Variants in PDZD2 observed in about 807,000 individuals in gnomAD.
PDZD2 encodes the protein PDZ domain-containing protein 2.
In PDZD2, 90 loss-of-function variants were observed where a neutral mutation model predicts 220.7. The ratio of observed to expected loss-of-function variants is 0.41; its 90% CI spans 0.34 to 0.49. PDZD2 has a LOEUF of 0.49. Among genes scored for constraint, PDZD2 ranks in the 20% least tolerant of loss-of-function variants. The pLI is 0.28. For missense variants in PDZD2, 3,174 were observed against 3,608.5 expected (o/e 0.88, Z 3.08); for synonymous variants, 1,375 against 1,450.5 (o/e 0.95, Z 1.18).
At chr5:31,657,230 G>A (rs886078042) in intron 1 of PDZD2, 1 of 152,290 alleles carries the variant, frequency 6.6e-6, no homozygotes, top group Non-Finnish European at 1.5e-5. Context: ...TTTCAGCAAG[G>A]TGTTTGGATG....
intron 1 of PDZD2, among the ~76,000 whole-genome samples, chr5:31,712,451 CCT>C (rs72212182): frequency 0.16 from 20,941 of 130,866 alleles, 1,693 homozygotes; most frequent in Middle Eastern, 0.25. Context: ...GCTGGGCCTG[CCT>C]CTCTCTCTCT....
chr5:31,660,860 C>A (rs29753), intron 1 of PDZD2, among the ~76,000 whole-genome samples: 36,040 of 152,070 alleles, frequency 0.24, 5,219 homozygotes, highest in East Asian at 0.45. Context: ...GTAGCTTAGA[C>A]TAACTACAGG....
intron 2 of PDZD2, among the ~76,000 whole-genome samples, chr5:31,975,528 G>C (rs1042050532): frequency 6.6e-6 from 1 of 152,194 alleles, no homozygotes; most frequent in Non-Finnish European, 1.5e-5. Context: ...AGATAAGGGA[G>C]AGGAGGGAGG....
chr5:31,888,594 G>A (rs906998776), intron 2 of PDZD2, among the ~76,000 whole-genome samples: 2 of 152,204 alleles, frequency 1.3e-5, no homozygotes, highest in Non-Finnish European at 2.9e-5. Context: ...TGTTAATGAG[G>A]TGGTTTATAC....
intron 2 of PDZD2, among the ~76,000 whole-genome samples, chr5:31,807,759 T>C (rs1231435178): frequency 6.6e-6 from 1 of 151,614 alleles, no homozygotes; most frequent in Non-Finnish European, 1.5e-5. Flanking sequence ...GTGTGAGAAG[T>C]CTGTGTGGTC....
At chr5:31,885,880 T>C (rs1740414430) in intron 2 of PDZD2, among the ~76,000 whole-genome samples, 1 of 151,800 alleles carries the variant, frequency 6.6e-6, no homozygotes, top group African/African-American at 2.4e-5. Context: ...TATAGTTTGT[T>C]TTTGGTTTTT....
chr5:31,738,052 T>C (rs1403886766), intron 1 of PDZD2, among the ~76,000 whole-genome samples: 1 of 152,230 alleles, frequency 6.6e-6, no homozygotes, highest in Non-Finnish European at 1.5e-5. Context: ...CAGTGAAAAT[T>C]ACATTTTTGG....
intron 1 of PDZD2, among the ~76,000 whole-genome samples, chr5:31,651,651 A>G (rs1745353916): frequency 7.0e-6 from 1 of 143,476 alleles, no homozygotes; most frequent in South Asian, 2.1e-4. Context: ...TATTTTTTTG[A>G]GATAAGATCT....
chr5:31,887,025 TG>T (rs1740572374), intron 2 of PDZD2, among the ~76,000 whole-genome samples: 2 of 152,184 alleles, frequency 1.3e-5, no homozygotes, highest in African/African-American at 4.8e-5. Flanking sequence ...GAATGCCGCC[TG>T]GGTGCAAGAA....
intron 1 of PDZD2, among the ~76,000 whole-genome samples, chr5:31,688,431 C>T (rs528105665): frequency 5.7e-4 from 86 of 152,194 alleles, no homozygotes; most frequent in Non-Finnish European, 1.0e-3. Context: ...GCTTTACAGT[C>T]TCCAGCTGTA....
intron 2 of PDZD2, among the ~76,000 whole-genome samples, chr5:31,857,453 A>G (rs1411673527): frequency 1.3e-5 from 2 of 152,188 alleles, no homozygotes; most frequent in Non-Finnish European, 1.5e-5. Context: ...GAAAGAGGAC[A>G]TGGGAGGCAA....
At chr5:31,796,649 G>C (rs1254713051) in intron 1 of PDZD2, among the ~76,000 whole-genome samples, 2 of 152,200 alleles carry the variant, frequency 1.3e-5, no homozygotes, top group East Asian at 3.9e-4. Context: ...TGTTATCGCA[G>C]ACCTATTACA....
intron 1 of PDZD2, among the ~76,000 whole-genome samples, chr5:31,729,099 C>CTT (rs10650811): frequency 0.25 from 30,524 of 120,622 alleles, 5,048 homozygotes; most frequent in East Asian, 0.48. Flanking sequence ...TGATCGAAAT[C>CTT]TTTTTTTTTT....
chr5:31,888,544 A>G (rs1174378548), intron 2 of PDZD2, among the ~76,000 whole-genome samples: 1 of 151,952 alleles, frequency 6.6e-6, no homozygotes, highest in Admixed American at 6.6e-5. Flanking sequence ...AGGGCTACGT[A>G]CTCCGATTTG....
chr5:31,849,903 T>TATATATATATATAC, intron 2 of PDZD2, among the ~76,000 whole-genome samples: 1 of 25,680 alleles, frequency 3.9e-5, no homozygotes, highest in East Asian at 1.5e-3. Context: ...TATATATATA[T>TATATATATATATAC]ACATATATAT....
intron 2 of PDZD2, among the ~76,000 whole-genome samples, chr5:31,982,010 A>G (rs1750336520): frequency 6.6e-6 from 1 of 152,198 alleles, no homozygotes; most frequent in South Asian, 2.1e-4. Context: ...AATACCTGCC[A>G]GCCCTCACAT....
chr5:32,035,893 T>A (rs2112216486), intron 6 of PDZD2, among the ~76,000 whole-genome samples: 2 of 152,328 alleles, frequency 1.3e-5, no homozygotes, highest in African/African-American at 4.8e-5. Context: ...AATGGCATCT[T>A]TAAGAGAAGC....
chr5:32,003,863 C>T (rs549227826), intron 5 of PDZD2, among the ~76,000 whole-genome samples: 1 of 152,080 alleles, frequency 6.6e-6, no homozygotes, highest in African/African-American at 2.4e-5. Flanking sequence ...AGGTGCCCAC[C>T]ACCACGTCTG....
At chr5:32,095,507 C>T (rs1243376232) in intron 21 of PDZD2, among the ~76,000 whole-genome samples, 1 of 152,128 alleles carries the variant, frequency 6.6e-6, no homozygotes, top group Non-Finnish European at 1.5e-5. Flanking sequence ...AAAACAAACC[C>T]TGGCCTCCTG....
Sources: gnomAD v4.1 joint callset for allele counts (sites outside exome capture counted in the v4.1 genomes callset) on GRCh38, gnomAD v4.1.1 for gene constraint, MANE v1.5 for transcripts, NCBI Gene and HGNC (gene_info 2026-07-23, HGNC 2026-07-21) for gene names.